MCOLN2: variants seen among roughly 807,000 people sequenced by gnomAD.
The protein encoded by MCOLN2 is mucolipin-2.
In MCOLN2, 57 loss-of-function variants were observed where a neutral mutation model predicts 67.5. That is an observed-to-expected ratio of 0.84 (90% CI 0.68 to 1.05). MCOLN2 has a LOEUF of 1.05. Among genes scored for constraint, MCOLN2 ranks in the 50% least tolerant of loss-of-function variants. MCOLN2 has a pLI of 0.00. For synonymous variants in MCOLN2, 246 were observed against 233.3 expected (o/e 1.05, Z -0.50); for missense variants, 620 against 678.8 (o/e 0.91, Z 0.96).
At chr1:84,987,519 T>TAC (rs1385494704) in intron 1 of MCOLN2, among the ~76,000 whole-genome samples, 26 of 65,850 alleles carry the variant, frequency 3.9e-4, no homozygotes, top group East Asian at 6.7e-4. Flanking sequence ...TACATATGTA[T>TAC]ATATGTATAC....
chr1:84,988,637 T>C (rs763689205), intron 1 of MCOLN2, among the ~76,000 whole-genome samples: 2 of 152,150 alleles, frequency 1.3e-5, no homozygotes, highest in Non-Finnish European at 2.9e-5. Context: ...CCAAGCACTG[T>C]CATCTCTTAC....
chr1:84,987,585 T>G (rs1205633413), intron 1 of MCOLN2, among the ~76,000 whole-genome samples: 10 of 47,394 alleles, frequency 2.1e-4, no homozygotes, highest in African/African-American at 4.6e-4. Flanking sequence ...TACATAGATA[T>G]ATACATATGT....
chr1:84,977,561 TG>T (rs1650054402), intron 1 of MCOLN2, among the ~76,000 whole-genome samples: 2 of 152,010 alleles, frequency 1.3e-5, no homozygotes, highest in African/African-American at 4.8e-5. Context: ...TCCATGCCAA[TG>T]GAAACCAAAA....
At position 84,927,068 on chromosome 1, in the gene MCOLN2, G is replaced by A. The variant is rs866847547; in HGVS notation, c.1665-347C>T. 8.5e-5 allele frequency among the ~76,000 whole-genome samples: 13 copies of A among 152,078 alleles called. No individual in the cohort carries two copies. The Middle Eastern group carries it at 0.014, about 160-fold the overall frequency. On this transcript the variant is annotated intron_variant, in intron 13 of 13. Coordinates refer to ENST00000370608, the MANE Select transcript of MCOLN2 (RefSeq NM_153259.4). ...GGGGTAGGGGGAAAGGGGAGGGAGA[G>A]CATTAGGACAAATACTTAATGCATG...
intron 2 of MCOLN2, 28 bp downstream of exon 2, chr1:84,965,521 A>T (rs201841154): frequency 6.2e-7 from 1 of 1,605,814 alleles, no homozygotes; most frequent in Non-Finnish European, 8.5e-7. Flanking sequence ...GTAAGGGAAA[A>T]ACCAAATGAA....
intron 6 of MCOLN2, among the ~76,000 whole-genome samples, chr1:84,950,064 T>A (rs1442640837): frequency 1.3e-5 from 2 of 152,234 alleles, no homozygotes; most frequent in East Asian, 3.8e-4. Context: ...TATAAATCTC[T>A]TAGTCCTCTA....
chr1:84,968,526 T>C (rs1246680821), intron 1 of MCOLN2, among the ~76,000 whole-genome samples: 1 of 152,222 alleles, frequency 6.6e-6, no homozygotes, highest in East Asian at 1.9e-4. Context: ...GGACTAAGCA[T>C]ATTGGAAATT....
intron 13 of MCOLN2, 35 bp from the exon 14 acceptor site, chr1:84,926,756 A>G: frequency 1.3e-6 from 2 of 1,537,654 alleles, no homozygotes; most frequent in Non-Finnish European, 1.8e-6. Context: ...AAGAGGAAAG[A>G]TACAATACTT....
At chr1:84,991,635 G>C (rs1650894565) in intron 1 of MCOLN2, among the ~76,000 whole-genome samples, 1 of 152,120 alleles carries the variant, frequency 6.6e-6, no homozygotes, top group Non-Finnish European at 1.5e-5. Flanking sequence ...TTTTCCATTA[G>C]AGCCACTCAT....
At chr1:84,942,198 A>G (rs1037824470) in intron 7 of MCOLN2, among the ~76,000 whole-genome samples, 4 of 152,204 alleles carry the variant, frequency 2.6e-5, no homozygotes, top group African/African-American at 9.6e-5. Flanking sequence ...TCTCCTATAT[A>G]CTTTCATGGT....
intron 3 of MCOLN2, 127 bp from the exon 4 acceptor site, chr1:84,956,711 C>T: frequency 1.4e-6 from 1 of 736,536 alleles, no homozygotes; most frequent in Non-Finnish European, 2.1e-6. Context: ...TAGAACTTCC[C>T]AATTTAAAAT....
Position 84,940,917 on chromosome 1 carries a change from A to T in MCOLN2, c.922T>A (p.Cys308Ser), listed in dbSNP as rs1647740110. 6.2e-7 allele frequency: 1 copy of T among 1,613,608 alleles called. No homozygotes were observed. The highest frequency in any genetic ancestry group is 8.5e-7 in the Non-Finnish European group (1 of 1,179,736). Residue 308 changes from cysteine (C) to serine (S), a missense_variant, in exon 8 of 14, where the codon TGT becomes AGT. Transcript: ENST00000370608. Reference protein sequence around the residue: ...IVICLASLILCTRSIVLALRL... With the variant: ...IVICLASLILSTRSIVLALRL... Reference sequence around the variant, plus strand: ...AGAGCAAGAACAATGGATCTTGTACACAGAATAAGAGATGCCAAGCAAATC... The same window carrying T: ...AGAGCAAGAACAATGGATCTTGTACTCAGAATAAGAGATGCCAAGCAAATC...
At chr1:84,987,344 A>G (rs1222003923) in intron 1 of MCOLN2, among the ~76,000 whole-genome samples, 1 of 144,086 alleles carries the variant, frequency 6.9e-6, no homozygotes, top group African/African-American at 2.5e-5. Flanking sequence ...ATATATGTAT[A>G]TAGATATATG....
At chr1:84,961,473 G>T (rs1331524239) in intron 2 of MCOLN2, among the ~76,000 whole-genome samples, 1 of 152,130 alleles carries the variant, frequency 6.6e-6, no homozygotes, top group East Asian at 1.9e-4. Flanking sequence ...TGTAATCTCT[G>T]CTTGGAACCT....
rs945327675 is a variant in MCOLN2, at chr1:84,971,344, GAAATTTAA to G, written c.78-5644_78-5637del. On this transcript the variant is annotated intron_variant, in intron 1 of 13. Transcript: ENST00000370608. ...TGTACATTTGGGAGGAAAAGATAATGAAATTTAAAAATTTAAAAATTTAAAAATTCTGA... is the reference window on the plus strand; with the variant it reads ...TGTACATTTGGGAGGAAAAGATAATGAAATTTAAAAATTTAAAAATTCTGA... Among the ~76,000 whole-genome samples, 7 of 152,140 alleles carry G rather than the reference GAAATTTAA, an allele frequency of 4.6e-5. 1 individual carries two copies. The South Asian group carries it at 6.2e-4, about 14-fold the overall frequency.
intron 11 of MCOLN2, among the ~76,000 whole-genome samples, chr1:84,935,263 C>G (rs1034649248): frequency 2.6e-4 from 40 of 152,198 alleles, no homozygotes; most frequent in Admixed American, 1.3e-4. Flanking sequence ...GTTCTCTCCC[C>G]CAACTGACTT....
Position 84,930,639 on chromosome 1 carries a change from C to T in MCOLN2, c.1542+723G>A, listed in dbSNP as rs201987178. 3.3e-5 allele frequency among the ~76,000 whole-genome samples: 5 copies of T among 152,280 alleles called. No individual in the cohort carries two copies. In the East Asian group the frequency reaches 5.8e-4, roughly 18 times the overall value. On this transcript the variant is annotated intron_variant, in intron 12 of 13. Transcript: ENST00000370608. ...CTGAACACTTACTTATCTTCCCACA[C>T]ACTCAAAAGGTAGCGGACTGGGTTT...
At position 84,939,545 on chromosome 1, in the gene MCOLN2, T is replaced by C; in HGVS notation, c.1110+8A>G. Reference sequence around the variant, plus strand: ...GAAGAACAGAGACTTTAAATGGGCTTCCCTCACCTTTGCTTTGATTTCCAT... The same window carrying C: ...GAAGAACAGAGACTTTAAATGGGCTCCCCTCACCTTTGCTTTGATTTCCAT... On this transcript the variant is annotated splice_region_variant and intron_variant, in intron 9 of 13. Transcript: ENST00000370608. 6.2e-7 allele frequency: 1 copy of C among 1,613,754 alleles called. No individual in the cohort carries two copies.
intron 1 of MCOLN2, among the ~76,000 whole-genome samples, chr1:84,992,728 T>G (rs1369537542): frequency 6.8e-6 from 1 of 147,960 alleles, no homozygotes; most frequent in African/African-American, 2.5e-5. Context: ...CCATAGTCTA[T>G]TAAGTCTGCA....
Sources: allele counts gnomAD v4.1 joint callset (sites outside exome capture counted in the v4.1 genomes callset), GRCh38; gene constraint gnomAD v4.1.1; transcripts MANE v1.5; gene names NCBI Gene and HGNC (gene_info 2026-07-23, HGNC 2026-07-21).